The following NPAS3 variants were observed in gnomAD, a reference collection of about 807,000 sequenced individuals.
NPAS3 encodes neuronal PAS domain-containing protein 3.
In NPAS3, 14 loss-of-function variants were observed where a neutral mutation model predicts 73.1. That is an observed-to-expected ratio of 0.19 (90% CI 0.13 to 0.30). The LOEUF is 0.30. Among genes scored for constraint, NPAS3 ranks in the 10% least tolerant of loss-of-function variants. The pLI, the probability that NPAS3 is intolerant of heterozygous loss-of-function variation, is 1.00. For synonymous variants in NPAS3, 620 were observed against 541.5 expected (o/e 1.14, Z -2.01); for missense variants, 1,096 against 1,250.0 (o/e 0.88, Z 1.86).
At chr14:32,946,813 T>G (rs1330482203) in intron 1 of NPAS3, among the ~76,000 whole-genome samples, 2 of 152,156 alleles carry the variant, frequency 1.3e-5, no homozygotes, top group African/African-American at 4.8e-5. Flanking sequence ...GATATTTTAC[T>G]GAAATATTGA....
Position 33,800,575 on chromosome 14 carries a change from G to A in NPAS3, c.2268G>A (p.Arg756=), listed in dbSNP as rs1566559683. ...CACCCCCGCTCTCGGCGTCCCCGCGGGACAAGCACCCCGGGAACGGCGGCG... is the reference window on the plus strand; with the variant it reads ...CACCCCCGCTCTCGGCGTCCCCGCGAGACAAGCACCCCGGGAACGGCGGCG... Residue 756 remains arginine, a synonymous_variant, in exon 12 of 12, where the codon CGG becomes CGA. Coordinates refer to ENST00000356141, the Ensembl canonical transcript of NPAS3. This position sits in a 1 kb window ranked among gnomAD's most constrained non-coding sequence, Gnocchi z 6.5. The A allele has an allele frequency of 7.7e-7, 1 of 1,306,880 alleles. No individual in the cohort carries two copies. The allele number at this position is 1,306,880 out of a possible 1,614,324, so 81.0% of individuals were successfully genotyped here. A position where few individuals can be genotyped will look rare whatever the true frequency, so the allele number is the denominator to read the frequency against.
In NPAS3 at chr14:33,494,441, T is replaced by C. The variant is rs115717356; in HGVS notation, c.469-65680T>C. Among the ~76,000 whole-genome samples the C allele has an allele frequency of 7.3e-3, 1,107 of 152,230 alleles. 6 individuals carry two copies. Among genetic ancestry groups the C allele is most frequent in the African/African-American group, 0.025 (1,047 of 41,548 alleles). On this transcript the variant is annotated intron_variant, in intron 4 of 11. Transcript: ENST00000356141. Reference sequence around the variant, plus strand: ...ATGATCCCTTGGGCATGATGGGACGTACTGACTGTGAGGTTTCTGTCTTAG... The same window carrying C: ...ATGATCCCTTGGGCATGATGGGACGCACTGACTGTGAGGTTTCTGTCTTAG...
intron 7 of NPAS3, among the ~76,000 whole-genome samples, chr14:33,757,515 T>C (rs1162559141): frequency 1.3e-5 from 2 of 152,114 alleles, no homozygotes; most frequent in Non-Finnish European, 2.9e-5. Context: ...AAATGCAGGA[T>C]GGACCAGAGT....
chr14:33,720,301 A>T (rs10134189), intron 6 of NPAS3, among the ~76,000 whole-genome samples: 3 of 151,960 alleles, frequency 2.0e-5, no homozygotes, highest in Admixed American at 1.3e-4. Context: ...TGCGGTGATC[A>T]GCAATGGGCC....
chr14:33,395,857 C>G (rs1270637887), intron 4 of NPAS3, among the ~76,000 whole-genome samples: 1 of 152,138 alleles, frequency 6.6e-6, no homozygotes, highest in African/African-American at 2.4e-5. Flanking sequence ...GTATCAGGCA[C>G]TTTCCATAGC....
chr14:33,255,672 C>T (rs2048753067), intron 3 of NPAS3, among the ~76,000 whole-genome samples: 1 of 152,124 alleles, frequency 6.6e-6, no homozygotes, highest in Admixed American at 6.5e-5. Flanking sequence ...TAGATAAACA[C>T]CTTCAAATGC....
At chr14:33,394,699 A>G (rs1289184454) in intron 4 of NPAS3, among the ~76,000 whole-genome samples, 2 of 152,232 alleles carry the variant, frequency 1.3e-5, no homozygotes, top group Non-Finnish European at 2.9e-5. Context: ...CCAGACCAAA[A>G]GAAATATAAC....
chr14:33,257,871 G>A (rs1481370432), intron 3 of NPAS3, among the ~76,000 whole-genome samples: 3 of 152,014 alleles, frequency 2.0e-5, no homozygotes, highest in African/African-American at 7.2e-5. Context: ...TATATTTTAT[G>A]CCAGTAATCA....
chr14:33,510,689 G>A (rs781238288), intron 4 of NPAS3, among the ~76,000 whole-genome samples: 6 of 152,008 alleles, frequency 3.9e-5, no homozygotes, highest in Middle Eastern at 3.2e-3. Flanking sequence ...GGTGTAGTGC[G>A]TTACACTAAA....
chr14:33,429,993 G>A (rs781004626), intron 4 of NPAS3, among the ~76,000 whole-genome samples: 15 of 152,262 alleles, frequency 9.9e-5, no homozygotes, highest in Non-Finnish European at 1.8e-4. Flanking sequence ...GCTCAATAGG[G>A]ATGTGACCCC....
rs1268295357 is a variant in NPAS3, at chr14:33,680,583, A to G, written c.733+4198A>G. ...TCATTTTCATGTTTCTCTAAGATAA[A>G]ATTCCCTTTCTGTCTCCAGTGGTTT... is the stretch of plus-strand genomic sequence containing the variant. On this transcript the variant is annotated intron_variant, in intron 6 of 11. Transcript: ENST00000356141. 4.3e-6 allele frequency: 3 copies of G among 702,378 alleles called. No individual in the cohort carries two copies. The African/African-American group carries it at 5.2e-5, about 12-fold the overall frequency. The allele number at this position is 702,378 out of a possible 1,614,324, so 43.5% of individuals were successfully genotyped here.
At chr14:33,544,804 A>ATATATATATATATATATATATATATAT (rs2054727044) in intron 4 of NPAS3, among the ~76,000 whole-genome samples, 1 of 78,742 alleles carries the variant, frequency 1.3e-5, no homozygotes, top group African/African-American at 8.1e-5. Context: ...ATATATATAT[A>ATATATATATATATATATATATATATAT]TATATATGTA....
At chr14:33,555,739 C>T (rs1244532676) in intron 4 of NPAS3, among the ~76,000 whole-genome samples, 2 of 152,156 alleles carry the variant, frequency 1.3e-5, no homozygotes, top group African/African-American at 4.8e-5. Flanking sequence ...GTGACCTTGG[C>T]AATCCACTTT....
intron 5 of NPAS3, among the ~76,000 whole-genome samples, chr14:33,572,734 G>A (rs1265450352): frequency 1.3e-5 from 2 of 152,138 alleles, no homozygotes; most frequent in African/African-American, 4.8e-5. Context: ...CCATAAAATA[G>A]TTATTCTTGG....
At chr14:33,290,729 A>G (rs2042066716) in intron 3 of NPAS3, among the ~76,000 whole-genome samples, 1 of 152,238 alleles carries the variant, frequency 6.6e-6, no homozygotes, top group Non-Finnish European at 1.5e-5. Flanking sequence ...GCTTTCTTCC[A>G]TAACTGGATG....
intron 2 of NPAS3, among the ~76,000 whole-genome samples, chr14:33,211,460 AG>A (rs1459563236): frequency 6.6e-6 from 1 of 152,164 alleles, no homozygotes; most frequent in Non-Finnish European, 1.5e-5. Context: ...AGACTGAGGC[AG>A]GAGAACCACT....
chr14:33,235,805 CTTTTTTTTTTT>C lies in NPAS3; in HGVS notation c.385+20393_385+20403del, dbSNP rs35968798. On this transcript the variant is annotated intron_variant, in intron 3 of 11. Coordinates refer to ENST00000356141, the Ensembl canonical transcript of NPAS3. Reference sequence around the variant, plus strand: ...GACTAAAAGTTCTGTTGATACAATTCTTTTTTTTTTTTTTTTTTTTTTTTGAGACAGGGTGT... The same window carrying C: ...GACTAAAAGTTCTGTTGATACAATTCTTTTTTTTTTTTTGAGACAGGGTGT... Among the ~76,000 whole-genome samples the C allele has an allele frequency of 4.9e-3, 399 of 80,638 alleles. 4 individuals are homozygous for C. Among genetic ancestry groups the C allele is most frequent in the African/African-American group, 0.018 (364 of 19,962 alleles). The allele number at this position is 80,638 out of a possible 152,430, so 52.9% of individuals were successfully genotyped here. A position where few individuals can be genotyped will look rare whatever the true frequency, so the allele number is the denominator to read the frequency against.
chr14:32,944,755 A>G (rs549777717), intron 1 of NPAS3, among the ~76,000 whole-genome samples: 29 of 152,366 alleles, frequency 1.9e-4, no homozygotes, highest in African/African-American at 6.5e-4. Flanking sequence ...AGTAACTGCT[A>G]CTGTATCTGA....
intron 6 of NPAS3, among the ~76,000 whole-genome samples, chr14:33,731,080 G>A (rs1383986395): frequency 6.6e-6 from 1 of 151,908 alleles, no homozygotes; most frequent in Non-Finnish European, 1.5e-5. Context: ...TTTGGTGGGG[G>A]CTGGAGGGTT....
Sources: gnomAD v4.1 joint callset for allele counts (sites outside exome capture counted in the v4.1 genomes callset) on GRCh38, gnomAD v4.1.1 for gene constraint, Gnocchi (gnomAD v3.1) non-coding constraint, MANE v1.5 for transcripts, NCBI Gene and HGNC (gene_info 2026-07-23, HGNC 2026-07-21) for gene names.